Variants in NBN observed in about 807,000 individuals in gnomAD.
The protein encoded by NBN is nibrin.
Under a neutral mutation model 90.8 loss-of-function variants are expected in NBN, and 88 were observed. The observed-to-expected ratio is 0.97, with a 90% confidence interval of 0.82 to 1.16. The LOEUF is 1.16. Ranked by LOEUF, NBN falls within the 50% of genes most tolerant of loss-of-function variation. The probability of loss-of-function intolerance (pLI) is 0.00; values close to 1 mark genes in which losing one functional copy is unlikely to be tolerated. For synonymous variants in NBN, 328 were observed against 295.1 expected (o/e 1.11, Z -1.14); for missense variants, 894 against 869.6 (o/e 1.03, Z -0.35).
intron 9 of NBN, 49 bp from the exon 10 acceptor site, chr8:89,955,604 C>A (rs753875299): frequency 1.3e-6 from 2 of 1,573,728 alleles, no homozygotes; most frequent in Non-Finnish European, 1.7e-6. Flanking sequence ...TTTACAGCAA[C>A]TTTAATAGAG....
intron 8 of NBN, among the ~76,000 whole-genome samples, chr8:89,961,438 C>G (rs941747332): frequency 3.9e-5 from 6 of 152,108 alleles, no homozygotes; most frequent in Admixed American, 2.0e-4. Flanking sequence ...GAAACTCCGG[C>G]TGGAATGCAA....
chr8:89,972,448 T>C lies in NBN; in HGVS notation c.585-1158A>G, dbSNP rs1473903945. Among the ~76,000 whole-genome samples, 5 of 152,368 alleles carry C rather than the reference T, an allele frequency of 3.3e-5. No homozygotes were observed. The East Asian group carries it at 9.6e-4, about 29-fold the overall frequency. ...GACAGAATGCAGGCAACTGCGTTAG[T>C]TATGGTTTTTCTAAACAACCGACTT... On this transcript the variant is annotated intron_variant, in intron 5 of 15. Transcript: ENST00000265433.
Position 89,955,520 on chromosome 8 carries a change from G to C in NBN, c.1160C>G (p.Ser387Cys), listed in dbSNP as rs747632184. 3.2e-5 allele frequency: 52 copies of C among 1,613,258 alleles called. 1 individual carries two copies. In the South Asian group the frequency reaches 5.7e-4, roughly 18 times the overall value. Reference protein sequence around the residue: ...LSERPKEIKVSKMEQKFRMLS... With the variant: ...LSERPKEIKVCKMEQKFRMLS... ...CATTCTGAATTTTTGTTCCATTTTG[G>C]AGACTTTGATTTCTTTTGGCCTTTC... is the stretch of plus-strand genomic sequence containing the variant. Residue 387 changes from serine (S) to cysteine (C), a missense_variant, in exon 10 of 16, where the codon TCC becomes TGC. Physicochemically the swap from Ser to Cys is moderately radical, Grantham distance 112. Coordinates refer to ENST00000265433, the MANE Select transcript of NBN (RefSeq NM_002485.5).
intron 14 of NBN, 78 bp downstream of exon 14, chr8:89,943,175 A>G: frequency 4.1e-6 from 6 of 1,473,176 alleles, no homozygotes; most frequent in Non-Finnish European, 5.7e-6. Flanking sequence ...TTTGGTTTTA[A>G]GAAGAATTTG....
intron 7 of NBN, among the ~76,000 whole-genome samples, chr8:89,969,120 A>C (rs569780818): frequency 6.6e-6 from 1 of 152,222 alleles, no homozygotes; most frequent in Non-Finnish European, 1.5e-5. Flanking sequence ...TCAGGCATAT[A>C]AACACTTTAG....
intron 5 of NBN, among the ~76,000 whole-genome samples, chr8:89,977,313 A>AT (rs1169369593): frequency 1.3e-5 from 2 of 151,902 alleles, no homozygotes; most frequent in African/African-American, 4.8e-5. Context: ...GAGTGAGAAC[A>AT]TACGGTGTTT....
At position 89,947,810 on chromosome 8, in the gene NBN, A is replaced by G; in HGVS notation, c.1914+14T>C. 1 of 1,503,984 alleles carries G rather than the reference A, an allele frequency of 6.6e-7. No individual in the cohort carries two copies. The highest frequency in any genetic ancestry group is 1.2e-5 in the South Asian group (1 of 86,268). 93.2% of individuals were successfully genotyped at this position (1,503,984 alleles called of 1,614,324 possible). A position where few individuals can be genotyped will look rare whatever the true frequency, so the allele number is the denominator to read the frequency against. On this transcript the variant is annotated intron_variant, in intron 12 of 15. Transcript: ENST00000265433. Reference sequence around the variant, plus strand: ...AAGCCAAATCTGTATAAAAATTAATAAAACGTTTCTCACAGATATTTCTTT... The same window carrying G: ...AAGCCAAATCTGTATAAAAATTAATGAAACGTTTCTCACAGATATTTCTTT...
At chr8:89,947,419 C>T (rs1198369812) in intron 12 of NBN, among the ~76,000 whole-genome samples, 5 of 152,052 alleles carry the variant, frequency 3.3e-5, no homozygotes, top group East Asian at 1.9e-4. Flanking sequence ...CACCTGAGGT[C>T]GGGAGTTCCA....
chr8:89,936,225 T>C (rs541211002), intron 15 of NBN: 3,421 of 251,540 alleles, frequency 0.014, 115 homozygotes, highest in African/African-American at 0.074. Flanking sequence ...TACAGGTGCA[T>C]GCCACCACGC....
rs1554555748 is a variant in NBN, at chr8:89,943,273, A to C, written c.2164T>G (p.Trp722Gly). ...HARKNTELEE[W>G]LRQEMEVQNQ... ...CTAACCTCCATTTCCTGCCTTAGCC[A>C]CTCTTCTAGTTCTGTATTCTTTCGA... The change falls in exon 14 of 16, where the codon TGG becomes GGG. Residue 722 changes from tryptophan to glycine, a missense_variant. Trp to Gly is a radical substitution (Grantham distance 184, BLOSUM62 -2). Transcript: ENST00000265433. The C allele has an allele frequency of 6.2e-7, 1 of 1,613,360 alleles. No homozygotes were observed. The highest frequency in any genetic ancestry group is 8.5e-7 in the Non-Finnish European group (1 of 1,179,706).
chr8:89,982,670 T>G, intron 2 of NBN, 52 bp downstream of exon 2: 1 of 1,463,830 alleles, frequency 6.8e-7, no homozygotes, highest in Non-Finnish European at 9.6e-7. Context: ...GAGAATATTT[T>G]GTGATTTCAA....
intron 8 of NBN, among the ~76,000 whole-genome samples, chr8:89,962,256 A>G (rs1455593990): frequency 6.6e-6 from 1 of 152,228 alleles, no homozygotes; most frequent in African/African-American, 2.4e-5. Flanking sequence ...TCTGAAGCAT[A>G]TATCTAGTTG....
At chr8:89,974,456 A>G (rs1357277466) in intron 5 of NBN, among the ~76,000 whole-genome samples, 1 of 152,046 alleles carries the variant, frequency 6.6e-6, no homozygotes, top group Admixed American at 6.6e-5. Context: ...TTTCAGGCCA[A>G]TGTGTCTGTT....
intron 12 of NBN, 119 bp from the exon 13 acceptor site, chr8:89,946,414 T>C (rs550317131): frequency 2.3e-6 from 2 of 880,456 alleles, no homozygotes; most frequent in Non-Finnish European, 3.6e-6. Flanking sequence ...AAAAATGTTT[T>C]ATTTCTTGTA....
At chr8:89,945,181 C>T (rs921324540) in intron 13 of NBN, among the ~76,000 whole-genome samples, 1 of 152,010 alleles carries the variant, frequency 6.6e-6, no homozygotes, top group African/African-American at 2.4e-5. Context: ...GATCTTATAA[C>T]ACAATATTAA....
intron 15 of NBN, 59 bp from the exon 16 acceptor site, chr8:89,935,671 A>G: frequency 6.3e-7 from 1 of 1,589,570 alleles, no homozygotes; most frequent in Non-Finnish European, 8.6e-7. Context: ...TTTCTTTTAA[A>G]GGTAAAGAAC....
chr8:89,956,028 T>A (rs1810697724), intron 9 of NBN, among the ~76,000 whole-genome samples: 2 of 151,902 alleles, frequency 1.3e-5, no homozygotes, highest in African/African-American at 4.8e-5. Context: ...TCACTGTAAA[T>A]GAACTGATAT....
chr8:89,982,953 A>C lies in NBN; in HGVS notation c.38-98T>G, dbSNP rs1812147713. On this transcript the variant is annotated intron_variant, in intron 1 of 15. Coordinates refer to ENST00000265433, the MANE Select transcript of NBN (RefSeq NM_002485.5). The stretch of plus-strand genomic sequence containing the variant: ...TGTAAGTGTATATGATATAGGTATG[A>C]CAAATATTAAATAAAACACCTTTGT... 4.0e-6 allele frequency: 5 copies of C among 1,245,874 alleles called. No individual in the cohort carries two copies. In the Admixed American group the frequency reaches 9.5e-5, roughly 24 times the overall value. The allele number at this position is 1,245,874 out of a possible 1,614,324, so 77.2% of individuals were successfully genotyped here. A position where few individuals can be genotyped will look rare whatever the true frequency, so the allele number is the denominator to read the frequency against.
intron 3 of NBN, 124 bp from the exon 4 acceptor site, chr8:89,981,017 C>A: frequency 1.2e-6 from 1 of 834,628 alleles, no homozygotes; most frequent in South Asian, 1.6e-5. Flanking sequence ...TATTGTTACC[C>A]TTTGTAACCT....
Sources: allele counts gnomAD v4.1 joint callset (sites outside exome capture counted in the v4.1 genomes callset), GRCh38; gene constraint gnomAD v4.1.1; transcripts MANE v1.5; gene names NCBI Gene and HGNC (gene_info 2026-07-23, HGNC 2026-07-21).